The following JAKMIP1 variants were observed in gnomAD, a reference collection of about 807,000 sequenced individuals.
JAKMIP1 encodes the protein janus kinase and microtubule interacting protein 1, also known as janus kinase and microtubule-interacting protein 1.
In JAKMIP1, 33 loss-of-function variants were observed where a neutral mutation model predicts 113.0. The observed-to-expected ratio is 0.29, with a 90% CI of 0.22 to 0.39. The LOEUF (loss-of-function observed/expected upper bound fraction) is 0.39, where lower values mean the gene tolerates loss of function less well. Ranked by LOEUF, JAKMIP1 falls within the 10% of genes least tolerant of loss-of-function variation. The pLI is 1.00. For missense variants in JAKMIP1, 813 were observed against 1,080.5 expected, an observed-to-expected ratio of 0.75 and a Z score of 3.47; for synonymous variants, 480 against 459.9, an observed-to-expected ratio of 1.04 and a Z score of -0.56.
At chr4:6,034,541 CTT>C (rs1187646396) in intron 19 of JAKMIP1, among the ~76,000 whole-genome samples, 1 of 152,220 alleles carries the variant, frequency 6.6e-6, no homozygotes, top group Non-Finnish European at 1.5e-5. Flanking sequence ...GTGGCTCACT[CTT>C]ATAATCACAG....
chr4:6,114,113 C>T (rs1157276710), intron 1 of JAKMIP1, among the ~76,000 whole-genome samples: 2 of 152,200 alleles, frequency 1.3e-5, no homozygotes, highest in African/African-American at 2.4e-5. Flanking sequence ...CTACCTAAAT[C>T]CACACAGTCA....
intron 1 of JAKMIP1, among the ~76,000 whole-genome samples, chr4:6,173,176 G>A (rs74698236): frequency 0.011 from 1,645 of 152,322 alleles, 38 homozygotes; most frequent in African/African-American, 0.035. Flanking sequence ...GTAGAATCTG[G>A]AGGGATGGAG....
chr4:6,098,666 G>GAGAGAA (rs1553831944), intron 3 of JAKMIP1, among the ~76,000 whole-genome samples: 9 of 96,732 alleles, frequency 9.3e-5, no homozygotes, highest in African/African-American at 5.7e-4. Context: ...AAGGAAGAAA[G>GAGAGAA]AGAGAGAAAG....
chr4:6,051,780 G>GCA lies in JAKMIP1; in HGVS notation c.1807-1103_1807-1102dup, dbSNP rs1228291676. ...AAACCTAATTACTTACAGGGCTAAA[G>GCA]CACAGTGGCAGAACAGGACTCAGGT... is the stretch of plus-strand genomic sequence containing the variant. On this transcript the variant is annotated intron_variant, in intron 13 of 20. Transcript: ENST00000409021. The surrounding 1 kb of genome is among the most constrained non-coding windows in gnomAD (Gnocchi z 5.0). Among the ~76,000 whole-genome samples, 1 of 152,208 alleles carries GCA rather than the reference G, an allele frequency of 6.6e-6. No homozygotes were observed. Among genetic ancestry groups the GCA allele is most frequent in the Non-Finnish European group, 1.5e-5 (1 of 68,040 alleles).
chr4:6,085,082 G>T (rs567849758), intron 4 of JAKMIP1, 117 bp from the exon 5 acceptor site: 6 of 1,246,432 alleles, frequency 4.8e-6, no homozygotes, highest in Non-Finnish European at 6.5e-6. Context: ...TTATTCAGGG[G>T]CCCACATGCC....
At position 6,081,800 on chromosome 4, in the gene JAKMIP1, G is replaced by C. The variant is rs149184453; in HGVS notation, c.955-45C>G. 5.0e-6 allele frequency: 8 copies of C among 1,611,682 alleles called. No individual in the cohort carries two copies. In the East Asian group the frequency reaches 1.6e-4, roughly 31 times the overall value. ...CAGAGGCTCAGACAACTTGACGACG[G>C]ACGGCCGAGGTCACAGCACCGAGGT... is the stretch of plus-strand genomic sequence containing the variant. On this transcript the variant is annotated intron_variant, in intron 5 of 20. Transcript: ENST00000409021. The surrounding 1 kb of genome is among the most constrained non-coding windows in gnomAD (Gnocchi z 4.6).
rs2061248713 is a variant in JAKMIP1 at position 6,067,764 on chromosome 4, T to C, written c.1303-2756A>G. ...CTTCTGCACACGCAGGTCACCCCCC[T>C]GAGCTCCACGTTCACTCAAGCTCTT... On this transcript the variant is annotated intron_variant, in intron 8 of 20. Transcript: ENST00000409021. This position sits in a 1 kb window ranked among gnomAD's most constrained non-coding sequence, Gnocchi z 4.6. Among the ~76,000 whole-genome samples, 1 of 138,002 alleles carries C rather than the reference T, an allele frequency of 7.2e-6. No individual in the cohort carries two copies. The highest frequency in any genetic ancestry group is 1.5e-5 in the Non-Finnish European group (1 of 64,616). The allele number at this position is 138,002 out of a possible 152,430, so 90.5% of individuals were successfully genotyped here.
intron 1 of JAKMIP1, among the ~76,000 whole-genome samples, chr4:6,126,413 CCGTA>C (rs1717639913): frequency 3.6e-5 from 1 of 27,492 alleles, no homozygotes; most frequent in African/African-American, 3.5e-4. Flanking sequence ...CAAACATACA[CCGTA>C]CAGAAACACA....
At chr4:6,057,178 G>A (rs1262700594) in intron 11 of JAKMIP1, among the ~76,000 whole-genome samples, 3 of 152,142 alleles carry the variant, frequency 2.0e-5, no homozygotes, top group Non-Finnish European at 2.9e-5. Flanking sequence ...TTGCCTGGTC[G>A]TATCCTCTTG....
At position 6,158,679 on chromosome 4, in the gene JAKMIP1, G is replaced by C. The variant is rs1235561229; in HGVS notation, c.-148+41574C>G. 6.6e-6 allele frequency among the ~76,000 whole-genome samples: 1 copy of C among 151,918 alleles called. No homozygotes were observed. Among genetic ancestry groups the C allele is most frequent in the Non-Finnish European group, 1.5e-5 (1 of 68,030 alleles). On this transcript the variant is annotated intron_variant, in intron 1 of 20. Coordinates refer to ENST00000409021, the MANE Select transcript of JAKMIP1 (RefSeq NM_001099433.2). This position sits in a 1 kb window ranked among gnomAD's most constrained non-coding sequence, Gnocchi z 5.3. ...CCACAAAGGAAGTCCATCTTTTTAGGTTAGGAAAGAAAATTTGGTTTGAAA... is the reference window on the plus strand; with the variant it reads ...CCACAAAGGAAGTCCATCTTTTTAGCTTAGGAAAGAAAATTTGGTTTGAAA...
chr4:6,041,976 T>C lies in JAKMIP1; in HGVS notation c.2097+183A>G, dbSNP rs1050572681. Among the ~76,000 whole-genome samples, 5 of 152,100 alleles carry C rather than the reference T, an allele frequency of 3.3e-5. No homozygotes were observed. In the East Asian group the frequency reaches 9.6e-4, roughly 29 times the overall value. On this transcript the variant is annotated intron_variant, in intron 17 of 20. Coordinates refer to ENST00000409021, the MANE Select transcript of JAKMIP1 (RefSeq NM_001099433.2). ...GCTCTGAAAATATGTATTCGATGAG[T>C]AATTGAGCGAGTGAAAGAGTAAGTA...
In JAKMIP1 at chr4:6,056,763, A is replaced by C. The variant is rs948670953; in HGVS notation, c.1645-4T>G. The C allele has an allele frequency of 6.2e-7, 1 of 1,605,136 alleles. No individual in the cohort carries two copies. Among genetic ancestry groups the C allele is most frequent in the Non-Finnish European group, 8.5e-7 (1 of 1,172,418 alleles). On this transcript the variant is annotated splice_region_variant and splice_polypyrimidine_tract_variant and intron_variant, in intron 11 of 20. Coordinates refer to ENST00000409021, the MANE Select transcript of JAKMIP1 (RefSeq NM_001099433.2). ...TCTCTTCAACCCACTTGGAATCCTAAGGAAAAGTACTAAATATGGTCACAT... is the reference window on the plus strand; with the variant it reads ...TCTCTTCAACCCACTTGGAATCCTACGGAAAAGTACTAAATATGGTCACAT...
intron 19 of JAKMIP1, among the ~76,000 whole-genome samples, chr4:6,034,071 C>T (rs77561685): frequency 8.2e-6 from 1 of 121,754 alleles, no homozygotes; most frequent in East Asian, 1.9e-4. Context: ...TAGCCAAACA[C>T]CTGTTTTCAA....
chr4:6,140,561 G>A lies in JAKMIP1; in HGVS notation c.-147-27564C>T, dbSNP rs185006619. On this transcript the variant is annotated intron_variant, in intron 1 of 20. Coordinates refer to ENST00000409021, the MANE Select transcript of JAKMIP1 (RefSeq NM_001099433.2). This position sits in a 1 kb window ranked among gnomAD's most constrained non-coding sequence, Gnocchi z 9.4. Reference sequence around the variant, plus strand: ...TGCAGGGTCAGAGGGAAGTCGGCCCGCTAGGTGACAGTGGTTCACAGCGTA... The same window carrying A: ...TGCAGGGTCAGAGGGAAGTCGGCCCACTAGGTGACAGTGGTTCACAGCGTA... Among the ~76,000 whole-genome samples the A allele has an allele frequency of 2.8e-4, 43 of 152,196 alleles. No individual in the cohort carries two copies. The East Asian group carries it at 5.4e-3, about 19-fold the overall frequency.
In JAKMIP1 at chr4:6,061,252, C is replaced by T. The variant is rs150823681; in HGVS notation, c.1561-745G>A. Among the ~76,000 whole-genome samples, 200 of 152,284 alleles carry T rather than the reference C, an allele frequency of 1.3e-3. 1 individual carries two copies. Among genetic ancestry groups the T allele is most frequent in the Non-Finnish European group, 1.8e-3 (123 of 68,030 alleles). ...AAAGCGAAACAAAAATTATTCAGCCCACACAAAGCCTCACAGTTTCCCTCC... is the reference window on the plus strand; with the variant it reads ...AAAGCGAAACAAAAATTATTCAGCCTACACAAAGCCTCACAGTTTCCCTCC... On this transcript the variant is annotated intron_variant, in intron 10 of 20. Transcript: ENST00000409021. This position sits in a 1 kb window ranked among gnomAD's most constrained non-coding sequence, Gnocchi z 5.3.
chr4:6,062,508 A>AT, intron 9 of JAKMIP1, 68 bp from the exon 10 acceptor site: 1 of 1,498,844 alleles, frequency 6.7e-7, no homozygotes, highest in Admixed American at 1.8e-5. Flanking sequence ...TTTATGATTG[A>AT]TTTTAATAAT....
At chr4:6,171,821 C>G (rs964949676) in intron 1 of JAKMIP1, among the ~76,000 whole-genome samples, 1 of 152,202 alleles carries the variant, frequency 6.6e-6, no homozygotes, top group Non-Finnish European at 1.5e-5. Context: ...GTTGACAATC[C>G]CTGACTGCAC....
intron 18 of JAKMIP1, among the ~76,000 whole-genome samples, chr4:6,039,332 C>A (rs933479886): frequency 9.2e-5 from 14 of 152,236 alleles, no homozygotes; most frequent in African/African-American, 2.2e-4. Context: ...TGGCACACCA[C>A]TTGCTTACAT....
At chr4:6,053,788 A>G in intron 13 of JAKMIP1, 1 of 1,262,476 alleles carries the variant, frequency 7.9e-7, no homozygotes. Flanking sequence ...TTAAGTGCAA[A>G]ACAAGCCATA....
Sources: gnomAD v4.1 joint callset for allele counts (sites outside exome capture counted in the v4.1 genomes callset) on GRCh38, gnomAD v4.1.1 for gene constraint, Gnocchi (gnomAD v3.1) non-coding constraint, MANE v1.5 for transcripts, NCBI Gene and HGNC (gene_info 2026-07-23, HGNC 2026-07-21) for gene names.